The following GABRG3 variants were observed in gnomAD, a reference collection of about 807,000 sequenced individuals.
GABRG3 encodes gamma-aminobutyric acid type A receptor subunit gamma3.
In GABRG3, 25 loss-of-function variants were observed where a neutral mutation model predicts 48.8. The ratio of observed to expected loss-of-function variants is 0.51; its 90% confidence interval spans 0.37 to 0.72. GABRG3 has a LOEUF of 0.72. Among genes scored for constraint, GABRG3 ranks in the 30% least tolerant of loss-of-function variants. GABRG3 has a pLI of 0.00. For missense variants in GABRG3, 394 were observed against 577.9 expected (o/e 0.68, Z 3.26); for synonymous variants, 227 against 217.6 (o/e 1.04, Z -0.38).
chr15:27,274,580 A>G (rs137886477), intron 3 of GABRG3, among the ~76,000 whole-genome samples: 29 of 152,206 alleles, frequency 1.9e-4, no homozygotes, highest in African/African-American at 6.7e-4. Flanking sequence ...AACACCTCCT[A>G]TGGGCCCCAC....
intron 3 of GABRG3, among the ~76,000 whole-genome samples, chr15:27,316,504 T>C (rs999986630): frequency 4.6e-5 from 7 of 151,514 alleles, no homozygotes; most frequent in African/African-American, 1.7e-4. Context: ...GAAGACTACC[T>C]CACAAGGTCA....
intron 5 of GABRG3, chr15:27,350,238 G>C (rs1894515991): frequency 2.2e-6 from 1 of 454,606 alleles, no homozygotes; most frequent in Non-Finnish European, 4.4e-6. Flanking sequence ...TCCATTCGTG[G>C]GGAAATGAAG....
At chr15:27,104,204 T>G (rs1485622980) in intron 3 of GABRG3, among the ~76,000 whole-genome samples, 1 of 152,258 alleles carries the variant, frequency 6.6e-6, no homozygotes, top group Non-Finnish European at 1.5e-5. Context: ...TCTTTAGCTA[T>G]TCTGCCTCAA....
At chr15:26,996,208 TG>T (rs747812943) in intron 2 of GABRG3, among the ~76,000 whole-genome samples, 40 of 152,138 alleles carry the variant, frequency 2.6e-4, no homozygotes, top group Non-Finnish European at 4.0e-4. Context: ...TAGGGCTTTT[TG>T]TTTTTTTTGT....
rs115465947 is a variant in GABRG3 at position 27,352,899 on chromosome 15, A to T, written c.574+24011A>T. Among the ~76,000 whole-genome samples, 841 of 152,254 alleles carry T rather than the reference A, an allele frequency of 5.5e-3. 7 individuals carry two copies. Among genetic ancestry groups the T allele is most frequent in the African/African-American group, 0.019 (798 of 41,508 alleles). ...TCACTTGGTAAGTCATTGCATCTGC[A>T]TTATCTTATCATCACGATTGCTGAC... On this transcript the variant is annotated intron_variant, in intron 5 of 9. Transcript: ENST00000615808. This position sits in a 1 kb window ranked among gnomAD's most constrained non-coding sequence, Gnocchi z 4.0.
chr15:27,078,854 T>G (rs1028493753), intron 3 of GABRG3, among the ~76,000 whole-genome samples: 3 of 152,196 alleles, frequency 2.0e-5, no homozygotes, highest in Non-Finnish European at 4.4e-5. Context: ...AATATGACCT[T>G]ATTTGGAAAT....
intron 3 of GABRG3, among the ~76,000 whole-genome samples, chr15:27,130,402 G>A (rs780300240): frequency 5.9e-5 from 9 of 152,030 alleles, no homozygotes; most frequent in Non-Finnish European, 1.2e-4. Flanking sequence ...CACTGGTCTA[G>A]ATATCTGTCT....
intron 3 of GABRG3, among the ~76,000 whole-genome samples, chr15:27,066,546 G>A (rs925641668): frequency 1.3e-5 from 2 of 152,112 alleles, no homozygotes; most frequent in African/African-American, 4.8e-5. Context: ...TTAAGTGGAA[G>A]CATTTAAAAG....
intron 6 of GABRG3, among the ~76,000 whole-genome samples, chr15:27,495,024 C>A (rs1482342155): frequency 6.6e-6 from 1 of 152,146 alleles, no homozygotes; most frequent in Non-Finnish European, 1.5e-5. Context: ...AGTTTGATGT[C>A]TTTTATTTCA....
chr15:27,497,325 C>T (rs368275471), intron 6 of GABRG3, among the ~76,000 whole-genome samples: 1 of 152,106 alleles, frequency 6.6e-6, no homozygotes, highest in East Asian at 1.9e-4. Context: ...ATTTCTCTTA[C>T]GAAAGACTCA....
intron 5 of GABRG3, among the ~76,000 whole-genome samples, chr15:27,388,223 AGGAAAGGGAGGAGGGAGGG>A (rs1896057933): frequency 1.4e-5 from 1 of 69,988 alleles, no homozygotes; most frequent in Non-Finnish European, 2.6e-5. Context: ...GGAGGAAGGA[AGGAAAGGGAGGAGGGAGGG>A]AGGAAAGGAA....
intron 1 of GABRG3, among the ~76,000 whole-genome samples, chr15:26,971,942 A>T (rs371486979): frequency 6.6e-6 from 1 of 151,630 alleles, no homozygotes; most frequent in African/African-American, 2.4e-5. Context: ...TCAGGGGCTC[A>T]CACACACACA....
At chr15:27,299,669 A>G (rs933622689) in intron 3 of GABRG3, among the ~76,000 whole-genome samples, 1 of 152,118 alleles carries the variant, frequency 6.6e-6, no homozygotes, top group African/African-American at 2.4e-5. Context: ...CTGTTGCTGC[A>G]TCTGGAGCCC....
intron 5 of GABRG3, among the ~76,000 whole-genome samples, chr15:27,419,971 CATA>C (rs1888062249): frequency 6.6e-6 from 1 of 152,144 alleles, no homozygotes; most frequent in African/African-American, 2.4e-5. Flanking sequence ...TAAAAAAAAT[CATA>C]ATCTGTTTTC....
intron 5 of GABRG3, among the ~76,000 whole-genome samples, chr15:27,343,080 T>C (rs894603479): frequency 3.3e-5 from 5 of 152,194 alleles, no homozygotes; most frequent in African/African-American, 1.2e-4. Context: ...ATTTTTCTCC[T>C]TTAAGCTCCC....
At chr15:27,025,965 C>T (rs1004938262) in intron 2 of GABRG3, among the ~76,000 whole-genome samples, 1 of 152,182 alleles carries the variant, frequency 6.6e-6, no homozygotes, top group African/African-American at 2.4e-5. Context: ...GGTCCGTGGG[C>T]TCAGCTGTCT....
At chr15:27,402,178 C>T (rs11074290) in intron 5 of GABRG3, among the ~76,000 whole-genome samples, 3 of 152,060 alleles carry the variant, frequency 2.0e-5, no homozygotes, top group Admixed American at 1.3e-4. Flanking sequence ...AATCTACTTA[C>T]AAAAGCCATC....
intron 3 of GABRG3, among the ~76,000 whole-genome samples, chr15:27,048,450 A>G (rs1203205397): frequency 6.6e-6 from 1 of 152,172 alleles, no homozygotes; most frequent in Non-Finnish European, 1.5e-5. Context: ...GGAACTCAGC[A>G]GAGGAGCCCA....
chr15:27,307,819 A>T (rs1892702839), intron 3 of GABRG3, among the ~76,000 whole-genome samples: 1 of 91,494 alleles, frequency 1.1e-5, no homozygotes, highest in Non-Finnish European at 2.2e-5. Context: ...ACATATATAA[A>T]ATAAACATAA....
Sources: gnomAD v4.1 joint callset for allele counts (sites outside exome capture counted in the v4.1 genomes callset) on GRCh38, gnomAD v4.1.1 for gene constraint, Gnocchi (gnomAD v3.1) non-coding constraint, MANE v1.5 for transcripts, NCBI Gene and HGNC (gene_info 2026-07-23, HGNC 2026-07-21) for gene names.